The following NCOA1 variants were observed in gnomAD, a reference collection of about 807,000 sequenced individuals.
The protein encoded by NCOA1 is Hin-2 protein.
Under a neutral mutation model 150.9 loss-of-function variants are expected in NCOA1, and 35 were observed. That is an observed-to-expected ratio of 0.23 (90% CI 0.18 to 0.31). The LOEUF is 0.31. Ranked by LOEUF, NCOA1 falls within the 10% of genes least tolerant of loss-of-function variation. The pLI is 1.00. For missense variants in NCOA1, 1,491 were observed against 1,749.3 expected, an observed-to-expected ratio of 0.85 and a Z score of 2.63; for synonymous variants, 590 against 630.0, an observed-to-expected ratio of 0.94 and a Z score of 0.95.
At chr2:24,567,161 T>C (rs1354883761) in intron 2 of NCOA1, among the ~76,000 whole-genome samples, 1 of 152,358 alleles carries the variant, frequency 6.6e-6, no homozygotes, top group East Asian at 1.9e-4. Context: ...CAATTTTTGC[T>C]GAAGAAAAAT....
At chr2:24,536,608 A>C (rs904210087) in intron 1 of NCOA1, among the ~76,000 whole-genome samples, 1 of 152,026 alleles carries the variant, frequency 6.6e-6, no homozygotes, top group African/African-American at 2.4e-5. Flanking sequence ...TTGGTCTTTA[A>C]TGTTGATGAC....
intron 7 of NCOA1, among the ~76,000 whole-genome samples, chr2:24,678,486 C>A (rs932086601): frequency 5.3e-5 from 8 of 152,168 alleles, no homozygotes; most frequent in Admixed American, 5.2e-4. Context: ...AATGGTTAAA[C>A]TAATTTATAC....
intron 1 of NCOA1, among the ~76,000 whole-genome samples, chr2:24,519,561 T>G (rs1430634627): frequency 6.6e-6 from 1 of 151,366 alleles, no homozygotes; most frequent in African/African-American, 2.4e-5. Flanking sequence ...AGCTCACATC[T>G]GTAATCCCAG....
chr2:24,598,114 G>A (rs964255588), intron 3 of NCOA1, among the ~76,000 whole-genome samples: 3 of 152,076 alleles, frequency 2.0e-5, no homozygotes, highest in Non-Finnish European at 2.9e-5. Flanking sequence ...GAACTCATCC[G>A]TTTTTATGTC....
At chr2:24,600,179 G>T (rs924171190) in intron 3 of NCOA1, among the ~76,000 whole-genome samples, 4 of 152,134 alleles carry the variant, frequency 2.6e-5, no homozygotes, top group African/African-American at 9.7e-5. Flanking sequence ...TTTCTTGGGA[G>T]CAGCATTGCG....
Position 24,658,759 on chromosome 2 carries a change from G to T in NCOA1, c.82G>T (p.Ala28Ser). 2 of 1,613,958 alleles carry T rather than the reference G, an allele frequency of 1.2e-6. No individual in the cohort carries two copies. Among genetic ancestry groups the T allele is most frequent in the Non-Finnish European group, 1.7e-6 (2 of 1,179,884 alleles). Residue 28 changes from alanine to serine, a missense_variant, in exon 5 of 23, where the codon GCA becomes TCA. By Grantham distance (99) the Ala-to-Ser change is moderately conservative. Around this residue, in one of 8 missense-constraint regions of NCOA1, gnomAD observed 40 missense variants for 39.6 expected, o/e 1.01. Coordinates refer to ENST00000348332, the MANE Select transcript of NCOA1 (RefSeq NM_003743.5). ...GAAAGGATCGCCATGTGACACACTGGCATCAAGGTAGGAACACTCCTCTTA... is the reference window on the plus strand; with the variant it reads ...GAAAGGATCGCCATGTGACACACTGTCATCAAGGTAGGAACACTCCTCTTA... Reference protein sequence around the residue: ...KRKGSPCDTLASSTEKRRREQ... With the variant: ...KRKGSPCDTLSSSTEKRRREQ...
At chr2:24,750,186 T>A (rs1572681068) in intron 19 of NCOA1, among the ~76,000 whole-genome samples, 1 of 152,284 alleles carries the variant, frequency 6.6e-6, no homozygotes, top group South Asian at 2.1e-4. Context: ...GGTAATTTAC[T>A]CAAAATTGAT....
intron 3 of NCOA1, among the ~76,000 whole-genome samples, chr2:24,586,497 C>T (rs1667418855): frequency 6.6e-6 from 1 of 152,056 alleles, no homozygotes. Flanking sequence ...AGGGATTCTC[C>T]CAGCTCAGCC....
At chr2:24,639,970 A>ATT (rs1670130733) in intron 3 of NCOA1, among the ~76,000 whole-genome samples, 3 of 128,644 alleles carry the variant, frequency 2.3e-5, no homozygotes, top group African/African-American at 9.3e-5. Context: ...ATATATATAT[A>ATT]TTCAGAGTAT....
chr2:24,725,724 T>C (rs1026180725), intron 14 of NCOA1, among the ~76,000 whole-genome samples: 7 of 125,630 alleles, frequency 5.6e-5, no homozygotes, highest in Non-Finnish European at 1.2e-4. Context: ...CGTGTGTGTG[T>C]GTGTGTGTGT....
At chr2:24,707,957 C>G (rs946863736) in intron 13 of NCOA1, 69 bp downstream of exon 13, 11 of 1,486,938 alleles carry the variant, frequency 7.4e-6, no homozygotes, top group Non-Finnish European at 9.9e-6. Context: ...TCTATTCCAT[C>G]TGTAGACCAG....
chr2:24,622,085 G>A (rs1019240319), intron 3 of NCOA1, among the ~76,000 whole-genome samples: 1 of 152,166 alleles, frequency 6.6e-6, no homozygotes, highest in Non-Finnish European at 1.5e-5. Context: ...GATGAACATA[G>A]GAGAAGGAGA....
chr2:24,697,773 T>G lies in NCOA1; in HGVS notation c.924T>G (p.Ser308=), dbSNP rs746159436. The change falls in exon 11 of 23, where the codon TCT becomes TCG. Residue 308 remains serine, a synonymous_variant. Coordinates refer to ENST00000348332, the MANE Select transcript of NCOA1 (RefSeq NM_003743.5). ...TCCAACCTCAGGGCAGAGAACCATC[T>G]TATGCCAGACAGCTGTTCCAAGAAG... ...AFFQPQGREP[S]YARQLFQEVM... The G allele has an allele frequency of 1.6e-5, 26 of 1,613,702 alleles. No individual in the cohort carries two copies. The highest frequency in any genetic ancestry group is 2.0e-5 in the Non-Finnish European group (24 of 1,179,778).
At chr2:24,547,898 A>G (rs1665665766) in intron 1 of NCOA1, among the ~76,000 whole-genome samples, 2 of 148,216 alleles carry the variant, frequency 1.3e-5, no homozygotes. Flanking sequence ...CTGAGGCAGG[A>G]GAATGGCGTG....
intron 1 of NCOA1, among the ~76,000 whole-genome samples, chr2:24,528,635 AC>A (rs542300875): frequency 2.6e-5 from 4 of 152,126 alleles, no homozygotes; most frequent in Non-Finnish European, 5.9e-5. Flanking sequence ...GGCATGAGCC[AC>A]CACCCCTGGC....
At chr2:24,678,798 G>A (rs1299686759) in intron 7 of NCOA1, among the ~76,000 whole-genome samples, 3 of 152,128 alleles carry the variant, frequency 2.0e-5, no homozygotes, top group Admixed American at 6.5e-5. Flanking sequence ...TTTGTCAGAT[G>A]GATAGATTGC....
chr2:24,715,969 C>T (rs1320706596), intron 14 of NCOA1, among the ~76,000 whole-genome samples: 1 of 151,868 alleles, frequency 6.6e-6, no homozygotes, highest in Non-Finnish European at 1.5e-5. Context: ...GGTGAAACCC[C>T]GTCTCTACTA....
chr2:24,643,100 CA>C (rs1442629146), intron 3 of NCOA1, among the ~76,000 whole-genome samples: 1 of 152,144 alleles, frequency 6.6e-6, no homozygotes, highest in East Asian at 1.9e-4. Context: ...AAAAGACATA[CA>C]AAAAATGAGT....
intron 1 of NCOA1, among the ~76,000 whole-genome samples, chr2:24,563,203 A>C (rs1178330524): frequency 6.6e-6 from 1 of 152,216 alleles, no homozygotes; most frequent in Non-Finnish European, 1.5e-5. Context: ...TCCTTGTGGA[A>C]AAGGTTAGAA....
Sources: allele counts gnomAD v4.1 joint callset (sites outside exome capture counted in the v4.1 genomes callset), GRCh38; gene constraint gnomAD v4.1.1; regional missense constraint gnomAD v4.1.1; transcripts MANE v1.5; gene names NCBI Gene and HGNC (gene_info 2026-07-23, HGNC 2026-07-21).